IL21R: variants seen among roughly 807,000 people sequenced by gnomAD.
The protein encoded by IL21R is interleukin 21 receptor.
IL21R carries 14 observed loss-of-function variants against 41.3 expected under a neutral mutation model. That is an observed-to-expected ratio of 0.34 (90% CI 0.22 to 0.53). The LOEUF is 0.53. IL21R is among the 20% of genes least tolerant of loss of function. The pLI, the probability that IL21R is intolerant of heterozygous loss-of-function variation, is 0.94. For synonymous variants in IL21R, 286 were observed against 287.6 expected (o/e 0.99, Z 0.05); for missense variants, 588 against 681.6 (o/e 0.86, Z 1.53).
rs113860184 is a variant in IL21R at position 27,429,263 on chromosome 16, T to A, written c.-16-793T>A. On this transcript the variant is annotated intron_variant, in intron 1 of 8. Transcript: ENST00000337929. ...AAAAGCCAATTTACTGGCTTTTTTT[T>A]ACAACATGGATGTTTATAGGAAGGA... Among the ~76,000 whole-genome samples, 9 of 152,102 alleles carry A rather than the reference T, an allele frequency of 5.9e-5. 1 individual carries two copies. The highest frequency in any genetic ancestry group is 3.9e-4 in the Admixed American group (6 of 15,272).
chr16:27,445,873 G>A (rs2087466655), intron 7 of IL21R, 134 bp from the exon 8 acceptor site: 1 of 566,732 alleles, frequency 1.8e-6, no homozygotes, highest in South Asian at 2.7e-5. Context: ...AAGCCCCAGG[G>A]AAGGAGGGAG....
intron 1 of IL21R, among the ~76,000 whole-genome samples, chr16:27,407,115 G>A (rs1428136981): frequency 2.0e-5 from 3 of 152,164 alleles, no homozygotes; most frequent in African/African-American, 7.2e-5. Flanking sequence ...CTTAGGGGCT[G>A]TCTCCATTTT....
intron 1 of IL21R, chr16:27,427,298 G>A (rs2087095365): frequency 1.7e-5 from 17 of 985,504 alleles, no homozygotes; most frequent in Non-Finnish European, 1.9e-5. Flanking sequence ...GGGAAGAGAC[G>A]CCGGGCAGGC....
intron 8 of IL21R, among the ~76,000 whole-genome samples, chr16:27,446,983 A>G (rs2087492199): frequency 6.6e-6 from 1 of 152,138 alleles, no homozygotes; most frequent in South Asian, 2.1e-4. Context: ...GACCTAGACC[A>G]TTGATTGAGC....
In IL21R at chr16:27,432,733, T is replaced by A. The variant is rs1281958093; in HGVS notation, c.50-1614T>A. ...AGCTCCTTTTCACTCCACCGACAAG[T>A]TCTGTGTGTCTCCCTGAGGAAAGCC... On this transcript the variant is annotated intron_variant, in intron 2 of 8. Transcript: ENST00000337929. 3.9e-5 allele frequency among the ~76,000 whole-genome samples: 6 copies of A among 152,284 alleles called. No homozygotes were observed. In the East Asian group the frequency reaches 1.2e-3, roughly 29 times the overall value.
intron 5 of IL21R, among the ~76,000 whole-genome samples, 167 bp downstream of exon 5, chr16:27,443,283 C>A (rs371831934): frequency 4.5e-4 from 69 of 152,272 alleles, no homozygotes; most frequent in African/African-American, 1.6e-3. Context: ...CCCCTCACTT[C>A]TCCCCAAGGT....
At chr16:27,422,499 T>C (rs1421511784) in intron 1 of IL21R, among the ~76,000 whole-genome samples, 2 of 152,150 alleles carry the variant, frequency 1.3e-5, no homozygotes. Context: ...GCTTCAATCT[T>C]GGTATTTTCT....
At chr16:27,407,226 G>A (rs1247634555) in intron 1 of IL21R, among the ~76,000 whole-genome samples, 1 of 152,182 alleles carries the variant, frequency 6.6e-6, no homozygotes, top group Non-Finnish European at 1.5e-5. Flanking sequence ...GAACAAAATA[G>A]GTCAATTACC....
chr16:27,431,468 G>A (rs117303179), intron 2 of IL21R, among the ~76,000 whole-genome samples: 2,044 of 152,300 alleles, frequency 0.013, 20 homozygotes, highest in Non-Finnish European at 0.021. Context: ...CACACTACCC[G>A]GAAGAGGCAG....
Position 27,430,088 on chromosome 16 carries a change from C to T in IL21R, c.17C>T (p.Ala6Val), listed in dbSNP as rs577126383. 8 of 1,605,654 alleles carry T rather than the reference C, an allele frequency of 5.0e-6. No individual in the cohort carries two copies. The highest frequency in any genetic ancestry group is 2.2e-5 in the East Asian group (1 of 44,854). Residue 6 changes from alanine (A) to valine (V), a missense_variant, in exon 2 of 9, where the codon GCC becomes GTC. By Grantham distance (64) the Ala-to-Val change is moderately conservative (BLOSUM62 0). Coordinates refer to ENST00000337929, the MANE Select transcript of IL21R (RefSeq NM_181078.3). MPRGW[A>V]APLLLLLLQG... ...GGAGTCAGCATGCCGCGTGGCTGGG[C>T]CGCCCCCTTGCTCCTGCTGCTGCTC...
chr16:27,443,243 G>A lies in IL21R; in HGVS notation c.507+127G>A, dbSNP rs529381127. 70 of 757,636 alleles carry A rather than the reference G, an allele frequency of 9.2e-5. No individual in the cohort carries two copies. The African/African-American group carries it at 1.0e-3, about 11-fold the overall frequency. 46.9% of individuals were successfully genotyped at this position (757,636 alleles called of 1,614,324 possible). A position where few individuals can be genotyped will look rare whatever the true frequency, so the allele number is the denominator to read the frequency against. On this transcript the variant is annotated intron_variant, in intron 5 of 8. Coordinates refer to ENST00000337929, the MANE Select transcript of IL21R (RefSeq NM_181078.3). ...GGCCAAGAACAGAGACCAAGGGCACGAGCACTCCCTTACAGCGGGCCCTCC... is the reference window on the plus strand; with the variant it reads ...GGCCAAGAACAGAGACCAAGGGCACAAGCACTCCCTTACAGCGGGCCCTCC...
At chr16:27,437,025 T>C (rs2087281876) in intron 3 of IL21R, among the ~76,000 whole-genome samples, 1 of 152,048 alleles carries the variant, frequency 6.6e-6, no homozygotes. Context: ...CAGTAAGCCA[T>C]GATCACACTA....
At chr16:27,407,084 C>G (rs561347606) in intron 1 of IL21R, among the ~76,000 whole-genome samples, 1 of 152,300 alleles carries the variant, frequency 6.6e-6, no homozygotes, top group African/African-American at 2.4e-5. Flanking sequence ...AGTGAGGAAG[C>G]TAATGAGGAA....
chr16:27,415,594 G>C (rs75845473), intron 1 of IL21R, among the ~76,000 whole-genome samples: 1 of 152,190 alleles, frequency 6.6e-6, no homozygotes, highest in Non-Finnish European at 1.5e-5. Flanking sequence ...AGAAAAACGC[G>C]CAGGAAAGCT....
At chr16:27,427,805 C>T (rs1036800047) in intron 1 of IL21R, among the ~76,000 whole-genome samples, 1 of 152,096 alleles carries the variant, frequency 6.6e-6, no homozygotes, top group Non-Finnish European at 1.5e-5. Context: ...TCAGAGGCCA[C>T]ATCTTCAAAG....
At position 27,430,134 on chromosome 16, in the gene IL21R, C is replaced by T; in HGVS notation, c.49+14C>T. ...TGCTCCAGGGAGGTAAGTGGCTGCC[C>T]CGTGGTCTGCGGGTGGGGAGGGCCC... On this transcript the variant is annotated intron_variant, in intron 2 of 8. Coordinates refer to ENST00000337929, the MANE Select transcript of IL21R (RefSeq NM_181078.3). 6.2e-7 allele frequency: 1 copy of T among 1,601,160 alleles called. No homozygotes were observed. Among genetic ancestry groups the T allele is most frequent in the Non-Finnish European group, 8.5e-7 (1 of 1,179,280 alleles).
At chr16:27,443,888 C>T (rs2087433180) in intron 5 of IL21R, 1 of 151,834 alleles carries the variant, frequency 6.6e-6, no homozygotes, top group East Asian at 2.0e-4. Context: ...AAGTGATGTA[C>T]TGTCTCTAAA....
In IL21R at chr16:27,444,538, G is replaced by T. The variant is rs751547214; in HGVS notation, c.508-4G>T. The T allele has an allele frequency of 3.4e-6, 5 of 1,484,908 alleles. No individual in the cohort carries two copies. The East Asian group carries it at 1.3e-4, about 39-fold the overall frequency. The allele number at this position is 1,484,908 out of a possible 1,614,324, so 92.0% of individuals were successfully genotyped here. ...CCTGGTGCATCCTTTCCTTGTACTGGCAGAGTCCGAGGAGAAAGCTGATCT... is the reference window on the plus strand; with the variant it reads ...CCTGGTGCATCCTTTCCTTGTACTGTCAGAGTCCGAGGAGAAAGCTGATCT... On this transcript the variant is annotated splice_polypyrimidine_tract_variant and splice_region_variant and intron_variant, in intron 5 of 8. Transcript: ENST00000337929.
intron 2 of IL21R, among the ~76,000 whole-genome samples, chr16:27,433,456 A>G (rs1459262066): frequency 7.9e-5 from 12 of 152,228 alleles, no homozygotes; most frequent in Admixed American, 7.9e-4. Context: ...ACAGAGCAAG[A>G]GATCCTATCT....
Sources: allele counts gnomAD v4.1 joint callset (sites outside exome capture counted in the v4.1 genomes callset), GRCh38; gene constraint gnomAD v4.1.1; transcripts MANE v1.5; gene names NCBI Gene and HGNC (gene_info 2026-07-23, HGNC 2026-07-21).